The following AMPH variants were observed in gnomAD, a reference collection of about 807,000 sequenced individuals.
AMPH encodes the protein amphiphysin (Stiff-Mann syndrome with breast cancer 128kD autoantigen).
AMPH carries 49 observed loss-of-function variants against 99.1 expected under a neutral mutation model. The ratio of observed to expected loss-of-function variants is 0.49; its 90% confidence interval spans 0.39 to 0.63. The LOEUF (loss-of-function observed/expected upper bound fraction) is 0.63. Among genes scored for constraint, AMPH ranks in the 20% least tolerant of loss-of-function variants. The pLI, the probability that AMPH is intolerant of heterozygous loss-of-function variation, is 0.00. For missense variants in AMPH, 759 were observed against 863.4 expected (o/e 0.88, Z 1.52); for synonymous variants, 314 against 317.3 (o/e 0.99, Z 0.11).
At chr7:38,585,105 A>G (rs927650943) in intron 1 of AMPH, among the ~76,000 whole-genome samples, 21 of 152,280 alleles carry the variant, frequency 1.4e-4, no homozygotes, top group Middle Eastern at 6.8e-3. Context: ...CATCATCACA[A>G]TTCACACAAC....
Position 38,571,279 on chromosome 7 carries a change from T to TTATATATA in AMPH, c.70-36269_70-36268insTATATATA, listed in dbSNP as rs1562835234. Reference sequence around the variant, plus strand: ...ATTAAATATATATTTATATATATATTTTTATATATATTTATATATGAATAT... The same window carrying TTATATATA: ...ATTAAATATATATTTATATATATATTTATATATATTTATATATATTTATATATGAATAT... On this transcript the variant is annotated intron_variant, in intron 1 of 20. Transcript: ENST00000356264. Among the ~76,000 whole-genome samples the TTATATATA allele has an allele frequency of 2.4e-4, 8 of 33,808 alleles. 1 individual carries two copies. In the Middle Eastern group the frequency reaches 0.094, roughly 396 times the overall value. 22.2% of individuals were successfully genotyped at this position (33,808 alleles called of 152,430 possible).
chr7:38,585,322 G>C lies in AMPH; in HGVS notation c.69+45961C>G, dbSNP rs192883585. 9.7e-4 allele frequency among the ~76,000 whole-genome samples: 147 copies of C among 152,238 alleles called. 1 individual carries two copies. Among genetic ancestry groups the C allele is most frequent in the African/African-American group, 3.4e-3 (142 of 41,550 alleles). On this transcript the variant is annotated intron_variant, in intron 1 of 20. Transcript: ENST00000356264. ...CTTAGCCATTACTCTGAGAAAGAAG[G>C]GAACAAGTATCCTTTCTCCAGTTGG... is the stretch of plus-strand genomic sequence containing the variant.
At chr7:38,471,925 T>C (rs1787902396) in intron 7 of AMPH, among the ~76,000 whole-genome samples, 2 of 152,106 alleles carry the variant, frequency 1.3e-5, no homozygotes, top group African/African-American at 2.4e-5. Flanking sequence ...ATCAAGAAGA[T>C]ATACAAGTTA....
intron 1 of AMPH, among the ~76,000 whole-genome samples, chr7:38,568,922 C>A (rs1791842651): frequency 6.6e-6 from 1 of 152,066 alleles, no homozygotes; most frequent in Admixed American, 6.6e-5. Context: ...AACAGCTCTA[C>A]ATAATGGGTG....
intron 12 of AMPH, among the ~76,000 whole-genome samples, chr7:38,433,298 G>A (rs893761702): frequency 2.6e-5 from 4 of 152,200 alleles, no homozygotes; most frequent in African/African-American, 7.2e-5. Flanking sequence ...CTCTTGCTTA[G>A]CATTTTCTCG....
chr7:38,492,335 G>A (rs1584162251), intron 4 of AMPH, among the ~76,000 whole-genome samples: 1 of 152,212 alleles, frequency 6.6e-6, no homozygotes, highest in East Asian at 1.9e-4. Flanking sequence ...CTGATGGCCA[G>A]TGCTCAGAGA....
intron 17 of AMPH, among the ~76,000 whole-genome samples, chr7:38,402,326 G>A (rs1234693466): frequency 1.3e-5 from 2 of 152,092 alleles, no homozygotes; most frequent in Non-Finnish European, 2.9e-5. Context: ...ATTGTTGCAT[G>A]TTCTCTAAAG....
At chr7:38,412,399 T>G (rs1785241171) in intron 17 of AMPH, among the ~76,000 whole-genome samples, 1 of 152,198 alleles carries the variant, frequency 6.6e-6, no homozygotes, top group East Asian at 1.9e-4. Context: ...TGACATTTAT[T>G]AAAAAGTCTC....
At position 38,391,943 on chromosome 7, in the gene AMPH, T is replaced by C; in HGVS notation, c.1683A>G (p.Ile561Met). The C allele has an allele frequency of 1.9e-6, 3 of 1,612,446 alleles. No homozygotes were observed. Among genetic ancestry groups the C allele is most frequent in the Non-Finnish European group, 2.5e-6 (3 of 1,180,006 alleles). Residue 561 changes from isoleucine to methionine, a missense_variant, in exon 19 of 21, where the codon ATA (isoleucine) becomes ATG (methionine). Ile to Met is a conservative substitution (Grantham distance 10). Around this residue, in one of 2 missense-constraint regions of AMPH, gnomAD observed 554 missense variants for 575.6 expected, o/e 0.96. Coordinates refer to ENST00000356264, the MANE Select transcript of AMPH (RefSeq NM_001635.4). Reference sequence around the variant, plus strand: ...CGGTGGTCTCCTTGGGCTCTGCACCTATAGTTATTTCGTTTTCTCCTTCCT... The same window carrying C: ...CGGTGGTCTCCTTGGGCTCTGCACCCATAGTTATTTCGTTTTCTCCTTCCT... ...HEEEGENEIT[I>M]GAEPKETTED...
chr7:38,452,319 T>C (rs111295399), intron 11 of AMPH, among the ~76,000 whole-genome samples: 1 of 152,354 alleles, frequency 6.6e-6, no homozygotes, highest in South Asian at 2.1e-4. Context: ...GCTATATGTG[T>C]CAGAGAAAAC....
intron 17 of AMPH, among the ~76,000 whole-genome samples, chr7:38,413,244 T>A (rs941323595): frequency 1.3e-5 from 2 of 152,212 alleles, no homozygotes; most frequent in East Asian, 3.8e-4. Flanking sequence ...AACTCCATTT[T>A]ATATTTGAGG....
At chr7:38,481,134 AC>A (rs1458232595) in intron 5 of AMPH, among the ~76,000 whole-genome samples, 2 of 152,180 alleles carry the variant, frequency 1.3e-5, no homozygotes, top group African/African-American at 2.4e-5. Context: ...TTTGATGCAT[AC>A]ATTTTGGGGT....
intron 19 of AMPH, among the ~76,000 whole-genome samples, chr7:38,391,306 C>A (rs933801723): frequency 3.3e-5 from 5 of 152,084 alleles, no homozygotes; most frequent in African/African-American, 9.7e-5. Flanking sequence ...CATTAATTTA[C>A]CAAATATTTA....
At chr7:38,491,238 G>A in intron 4 of AMPH, 93 bp from the exon 5 acceptor site, 3 of 831,142 alleles carry the variant, frequency 3.6e-6, no homozygotes, top group East Asian at 2.6e-5. Context: ...AATTAGACAA[G>A]TAATACTTTC....
intron 1 of AMPH, among the ~76,000 whole-genome samples, chr7:38,558,313 C>A (rs1791437086): frequency 6.6e-6 from 1 of 152,170 alleles, no homozygotes; most frequent in South Asian, 2.1e-4. Context: ...ACCAGGGGTT[C>A]TGCACCACCC....
chr7:38,503,604 A>T, intron 3 of AMPH, 46 bp downstream of exon 3: 1 of 1,593,242 alleles, frequency 6.3e-7, no homozygotes, highest in Non-Finnish European at 8.6e-7. Context: ...AATTCCAAGA[A>T]CAACCTGTGC....
At chr7:38,392,136 C>T (rs1784519911) in intron 18 of AMPH, 119 bp from the exon 19 acceptor site, 4 of 1,015,340 alleles carry the variant, frequency 3.9e-6, no homozygotes, top group Non-Finnish European at 5.7e-6. Flanking sequence ...CATACTTCCC[C>T]ACTAGCCAGA....
intron 1 of AMPH, among the ~76,000 whole-genome samples, chr7:38,592,397 C>G (rs541199510): frequency 5.3e-5 from 8 of 152,156 alleles, no homozygotes; most frequent in African/African-American, 1.9e-4. Context: ...CATGTTTGAT[C>G]AGAAAAAGAA....
chr7:38,408,234 CAA>C (rs1328236319), intron 17 of AMPH, among the ~76,000 whole-genome samples: 1 of 152,134 alleles, frequency 6.6e-6, no homozygotes, highest in Non-Finnish European at 1.5e-5. Flanking sequence ...CTTTGGTTCC[CAA>C]GTGATGTTTG....
Sources: gnomAD v4.1 joint callset for allele counts (sites outside exome capture counted in the v4.1 genomes callset) on GRCh38, gnomAD v4.1.1 for gene constraint, gnomAD v4.1.1 regional missense constraint, MANE v1.5 for transcripts, NCBI Gene and HGNC (gene_info 2026-07-23, HGNC 2026-07-21) for gene names.